The following LZTS3 variants were observed in gnomAD, a reference collection of about 807,000 sequenced individuals.
The protein encoded by LZTS3 is leucine zipper putative tumor suppressor 3.
In LZTS3, 16 loss-of-function variants were observed where a neutral mutation model predicts 50.9. That is an observed-to-expected ratio of 0.31 (90% CI 0.21 to 0.48). The LOEUF (loss-of-function observed/expected upper bound fraction) is 0.48. LZTS3 is among the 20% of genes least tolerant of loss of function. The pLI is 0.99. For missense variants in LZTS3, 816 were observed against 931.0 expected (o/e 0.88, Z 1.61); for synonymous variants, 408 against 410.6 (o/e 0.99, Z 0.08).
intron 2 of LZTS3, 156 bp downstream of exon 2, chr20:3,167,582 A>G (rs2066848838): frequency 1.0e-6 from 1 of 1,002,076 alleles, no homozygotes; most frequent in Non-Finnish European, 1.2e-6. Context: ...TGGGTCTGGG[A>G]CCCTAATATC....
intron 1 of LZTS3, among the ~76,000 whole-genome samples, chr20:3,173,148 G>C (rs1452890531): frequency 6.6e-6 from 1 of 152,124 alleles, no homozygotes; most frequent in Non-Finnish European, 1.5e-5. Context: ...GAGTCCCTGC[G>C]ATGGGGGAAA....
rs752934869 is a variant in LZTS3, at chr20:3,164,853, A to G, written c.1623T>C (p.Ala541=). Residue 541 remains alanine (A), a synonymous_variant, in exon 5 of 5, where the codon GCT becomes GCC. Transcript: ENST00000337576. ...CCACCCCGGCCTGACGGCGCATCTT[A>G]GCCTCGTCGCTCTCGCAGGTGGCCA... ...DALATCESDE[A]KMRRQAGVAA... 12 of 1,556,668 alleles carry G rather than the reference A, an allele frequency of 7.7e-6. No individual in the cohort carries two copies. Among genetic ancestry groups the G allele is most frequent in the Non-Finnish European group, 1.0e-5 (12 of 1,157,230 alleles).
In LZTS3 at chr20:3,167,133, C is replaced by T. The variant is rs746884158; in HGVS notation, c.31G>A (p.Ala11Thr). 2.2e-5 allele frequency: 33 copies of T among 1,493,244 alleles called. No individual in the cohort carries two copies. Among genetic ancestry groups the T allele is most frequent in the South Asian group, 8.1e-5 (6 of 73,898 alleles). 92.5% of individuals were successfully genotyped at this position (1,493,244 alleles called of 1,614,324 possible). Residue 11 changes from alanine (A) to threonine (T), a missense_variant, in exon 3 of 5, where the codon GCT (alanine) becomes ACT (threonine). Ala to Thr is a moderately conservative substitution (Grantham distance 58). This residue lies in a region of LZTS3 where 700 missense variants were observed against 769.4 expected (regional missense o/e 0.91). Coordinates refer to ENST00000337576, the MANE Select transcript of LZTS3 (RefSeq NM_001365618.1). ...AGGAGAGGATCCCGCCCTGGGTCAG[C>T]GCGCACAGGCAGCGTCTCCAGCTTC... MAKLETLPVR[A>T]DPGRDPLLAF... is the part of the protein sequence containing the mutation.
intron 1 of LZTS3, among the ~76,000 whole-genome samples, chr20:3,170,730 T>G (rs1027272180): frequency 6.6e-6 from 1 of 151,648 alleles, no homozygotes; most frequent in African/African-American, 2.4e-5. Flanking sequence ...GAGGTGGAGG[T>G]TGCAGTGAGC....
At chr20:3,167,520 G>C (rs2066848044) in intron 2 of LZTS3, 1 of 1,066,206 alleles carries the variant, frequency 9.4e-7, no homozygotes, top group Non-Finnish European at 1.1e-6. Context: ...CCCAGGCTCA[G>C]TGACCCTCTC....
chr20:3,167,078 C>G lies in LZTS3; in HGVS notation c.86G>C (p.Gly29Ala). Residue 29 changes from glycine to alanine, a missense_variant, in exon 3 of 5, where the codon GGA (glycine) becomes GCA (alanine). Gly to Ala is a moderately conservative substitution (Grantham distance 60). Coordinates refer to ENST00000337576, the MANE Select transcript of LZTS3 (RefSeq NM_001365618.1). Reference sequence around the variant, plus strand: ...CATGGCCAGGCGGGGGTCCGGGGGTCCAAGCTCGGAGGGCCGTGGGGCAAA... The same window carrying G: ...CATGGCCAGGCGGGGGTCCGGGGGTGCAAGCTCGGAGGGCCGTGGGGCAAA... ...LAFAPRPSEL[G>A]PPDPRLAMGS... 2 of 1,548,198 alleles carry G rather than the reference C, an allele frequency of 1.3e-6. No homozygotes were observed. The highest frequency in any genetic ancestry group is 1.7e-6 in the Non-Finnish European group (2 of 1,149,950).
Position 3,166,271 on chromosome 20 carries a change from G to A in LZTS3, c.549C>T (p.Thr183=), listed in dbSNP as rs745637153. Residue 183 remains threonine, a synonymous_variant, in exon 4 of 5, where the codon ACC becomes ACT. Transcript: ENST00000337576. ...CCTGCCGTCCCTCAGGAGTCCCATT[G>A]GTCTGCGGGGGGCACAAATTCTGCA... The part of the protein sequence containing the change: ...HSMQNLCPPQ[T]NGTPEGRQGP... 9.9e-6 allele frequency: 16 copies of A among 1,613,818 alleles called. No homozygotes were observed. The highest frequency in any genetic ancestry group is 1.6e-4 in the Middle Eastern group (1 of 6,084).
In LZTS3 at chr20:3,166,126, A is replaced by G. The variant is rs752237537; in HGVS notation, c.694T>C (p.Ser232Pro). The G allele has an allele frequency of 6.0e-5, 97 of 1,612,710 alleles. No individual in the cohort carries two copies. The Middle Eastern group carries it at 2.1e-3, about 36-fold the overall frequency. The change falls in exon 4 of 5, where the codon TCC becomes CCC. Residue 232 changes from serine to proline, a missense_variant. By Grantham distance (74) the Ser-to-Pro change is moderately conservative (BLOSUM62 -1). This residue lies in a region of LZTS3 where 700 missense variants were observed against 769.4 expected (regional missense o/e 0.91). Coordinates refer to ENST00000337576, the MANE Select transcript of LZTS3 (RefSeq NM_001365618.1). ...NSLTSLPTYS[S>P]SYSQHLAPLS... ...GGTGCCAGGTGCTGGCTGTAGCTGG[A>G]GCTGTAGGTGGGCAGGCTTGTGAGG...
chr20:3,173,209 G>A (rs1214946852), intron 1 of LZTS3, among the ~76,000 whole-genome samples: 2 of 152,106 alleles, frequency 1.3e-5, no homozygotes, highest in Non-Finnish European at 1.5e-5. Flanking sequence ...GCCCCGGGGG[G>A]CGGGGCGCAG....
Position 3,164,234 on chromosome 20 carries a change from C to T in LZTS3, c.*220G>A. 2.1e-6 allele frequency: 1 copy of T among 465,384 alleles called. No individual in the cohort carries two copies. Among genetic ancestry groups the T allele is most frequent in the Non-Finnish European group, 3.7e-6 (1 of 271,728 alleles). 28.8% of individuals were successfully genotyped at this position (465,384 alleles called of 1,614,324 possible). A position where few individuals can be genotyped will look rare whatever the true frequency, so the allele number is the denominator to read the frequency against. On this transcript the variant is annotated 3_prime_UTR_variant, in exon 5 of 5. Transcript: ENST00000337576. ...TTGCCCCCACTCACCCTGCCCTCCT[C>T]CTATTCCCTCCTTTTAGGGGGGTCC...
chr20:3,173,189 A>G (rs536855039), intron 1 of LZTS3, among the ~76,000 whole-genome samples: 1 of 152,118 alleles, frequency 6.6e-6, no homozygotes, highest in South Asian at 2.1e-4. Context: ...GCTCCCCACC[A>G]ACGCGTGTGG....
intron 1 of LZTS3, among the ~76,000 whole-genome samples, chr20:3,171,712 G>C (rs998629968): frequency 6.6e-6 from 1 of 152,002 alleles, no homozygotes; most frequent in Admixed American, 6.5e-5. Flanking sequence ...GACAAGGAAG[G>C]GGATGTTTCC....
At position 3,165,264 on chromosome 20, in the gene LZTS3, C is replaced by A; in HGVS notation, c.1324-112G>T. 8.1e-7 allele frequency: 1 copy of A among 1,230,192 alleles called. No homozygotes were observed. Among genetic ancestry groups the A allele is most frequent in the Non-Finnish European group, 1.1e-6 (1 of 913,426 alleles). The allele number at this position is 1,230,192 out of a possible 1,614,324, so 76.2% of individuals were successfully genotyped here. A position where few individuals can be genotyped will look rare whatever the true frequency, so the allele number is the denominator to read the frequency against. ...ACCAAGCTTCCCGGGGCTGCAGGCT[C>A]AGCCCCTCATCAGCAGCGACGCACC... is the stretch of plus-strand genomic sequence containing the variant. On this transcript the variant is annotated intron_variant, in intron 4 of 4. Transcript: ENST00000337576. This position sits in a 1 kb window ranked among gnomAD's most constrained non-coding sequence, Gnocchi z 5.0.
chr20:3,171,526 G>A (rs1193859851), intron 1 of LZTS3, among the ~76,000 whole-genome samples: 2 of 152,070 alleles, frequency 1.3e-5, no homozygotes, highest in East Asian at 1.9e-4. Flanking sequence ...ATAGCCGGGC[G>A]TCGTGGTGCG....
chr20:3,166,561 A>G (rs995862557), intron 3 of LZTS3, 144 bp downstream of exon 3: 3 of 1,192,424 alleles, frequency 2.5e-6, no homozygotes, highest in Non-Finnish European at 2.3e-6. Flanking sequence ...ACTTGGCCCC[A>G]GGTCCCCAGT....
chr20:3,171,400 A>G (rs1054886959), intron 1 of LZTS3, among the ~76,000 whole-genome samples: 1 of 152,072 alleles, frequency 6.6e-6, no homozygotes, highest in Non-Finnish European at 1.5e-5. Flanking sequence ...CTCACTGCCT[A>G]AAGAGCTTCT....
In LZTS3 at chr20:3,165,704, G is replaced by A. The variant is rs1342270184; in HGVS notation, c.1116C>T (p.Ser372=). 5 of 1,570,928 alleles carry A rather than the reference G, an allele frequency of 3.2e-6. No individual in the cohort carries two copies. The South Asian group carries it at 3.4e-5, about 11-fold the overall frequency. The change falls in exon 4 of 5, where the codon AGC becomes AGT. Residue 372 remains serine (S), a synonymous_variant. Transcript: ENST00000337576. This position sits in a 1 kb window ranked among gnomAD's most constrained non-coding sequence, Gnocchi z 5.0. ...RELAELRQGC[S]GKLQQVARRA... is the part of the protein sequence containing the mutation. Reference sequence around the variant, plus strand: ...GTCGGGCCACCTGCTGTAGCTTCCCGCTGCAGCCCTGCCGCAGCTCGGCCA... The same window carrying A: ...GTCGGGCCACCTGCTGTAGCTTCCCACTGCAGCCCTGCCGCAGCTCGGCCA...
rs2066907063 is a variant in LZTS3 at position 3,171,875 on chromosome 20, C to A, written c.-243+1580G>T. Among the ~76,000 whole-genome samples, 3 of 152,170 alleles carry A rather than the reference C, an allele frequency of 2.0e-5. No individual in the cohort carries two copies. The South Asian group carries it at 6.2e-4, about 31-fold the overall frequency. On this transcript the variant is annotated intron_variant, in intron 1 of 4. Coordinates refer to ENST00000337576, the MANE Select transcript of LZTS3 (RefSeq NM_001365618.1). ...ACTGCCTCGATCTCTGTCACCTCAG[C>A]CCTCAGTGCCTGGGGCATTATACAC...
Position 3,164,766 on chromosome 20 carries a change from C to T in LZTS3, c.1710G>A (p.Thr570=), listed in dbSNP as rs1303954847. The change falls in exon 5 of 5, where the codon ACG becomes ACA. Residue 570 remains threonine (T), a synonymous_variant. Transcript: ENST00000337576. ...GEAEAGGESG[T]RALRREVGRL... ...GCCCCACCTCCCGCCGCAGGGCCCG[C>T]GTCCCGCTCTCCCCGCCAGCCTCCG... The T allele has an allele frequency of 2.8e-5, 43 of 1,521,340 alleles. No homozygotes were observed. Among genetic ancestry groups the T allele is most frequent in the Non-Finnish European group, 3.3e-5 (37 of 1,137,356 alleles). 94.2% of individuals were successfully genotyped at this position (1,521,340 alleles called of 1,614,324 possible).
Sources: gnomAD v4.1 joint callset for allele counts (sites outside exome capture counted in the v4.1 genomes callset) on GRCh38, gnomAD v4.1.1 for gene constraint, gnomAD v4.1.1 regional missense constraint, Gnocchi (gnomAD v3.1) non-coding constraint, MANE v1.5 for transcripts, NCBI Gene and HGNC (gene_info 2026-07-23, HGNC 2026-07-21) for gene names.